The following SCML4 variants were observed in gnomAD, a reference collection of about 807,000 sequenced individuals.
The protein encoded by SCML4 is Scm polycomb group protein like 4.
In SCML4, 34 loss-of-function variants were observed where a neutral mutation model predicts 41.1. The observed-to-expected ratio is 0.83, with a 90% confidence interval of 0.63 to 1.10. SCML4 has a LOEUF of 1.10. Ranked by LOEUF, SCML4 falls within the 50% of genes least tolerant of loss-of-function variation. The pLI, the probability that SCML4 is intolerant of heterozygous loss-of-function variation, is 0.00. For missense variants in SCML4, 522 were observed against 534.1 expected (o/e 0.98, Z 0.22); for synonymous variants, 214 against 220.9 (o/e 0.97, Z 0.28).
At chr6:107,791,067 C>CT (rs1443953572) in intron 1 of SCML4, among the ~76,000 whole-genome samples, 1 of 95,004 alleles carries the variant, frequency 1.1e-5, no homozygotes, top group Non-Finnish European at 2.3e-5. Context: ...AAGACTCCGT[C>CT]TAAAAAAAAA....
At chr6:107,808,523 C>T (rs889210247) in intron 1 of SCML4, among the ~76,000 whole-genome samples, 7 of 152,114 alleles carry the variant, frequency 4.6e-5, no homozygotes, top group South Asian at 2.1e-4. Flanking sequence ...CCTCCCACCG[C>T]GGCCTCCCAG....
At chr6:107,790,939 G>A (rs564560579) in intron 1 of SCML4, among the ~76,000 whole-genome samples, 1 of 152,054 alleles carries the variant, frequency 6.6e-6, no homozygotes, top group African/African-American at 2.4e-5. Context: ...ACATGGTGGT[G>A]CATGCCTGTA....
chr6:107,790,987 T>C (rs1460734874), intron 1 of SCML4, among the ~76,000 whole-genome samples: 3 of 151,794 alleles, frequency 2.0e-5, no homozygotes, highest in African/African-American at 4.8e-5. Context: ...GGAGAATTGC[T>C]TGAACCCAGG....
intron 1 of SCML4, among the ~76,000 whole-genome samples, chr6:107,773,453 T>TGGCTGCCCATGCC: frequency 6.6e-6 from 1 of 151,868 alleles, no homozygotes; most frequent in South Asian, 2.1e-4. Context: ...TTAGCCAGGC[T>TGGCTGCCCATGCC]TGGCTGCCCA....
chr6:107,768,231 G>T (rs1164028630), intron 2 of SCML4, among the ~76,000 whole-genome samples: 1 of 152,156 alleles, frequency 6.6e-6, no homozygotes, highest in African/African-American at 2.4e-5. Flanking sequence ...TCCAGCCTAG[G>T]TGACAAGCAA....
chr6:107,763,456 G>A (rs1168170245), intron 2 of SCML4, among the ~76,000 whole-genome samples: 4 of 150,064 alleles, frequency 2.7e-5, no homozygotes, highest in South Asian at 2.1e-4. Flanking sequence ...GCACCATCCC[G>A]GCTCACTGCA....
chr6:107,826,444 C>T (rs147964122), upstream of SCML4, among the ~76,000 whole-genome samples: 2 of 152,184 alleles, frequency 1.3e-5, no homozygotes, highest in East Asian at 3.9e-4. Context: ...CTTAAAGCAC[C>T]TGGAATGGGC....
intron 5 of SCML4, among the ~76,000 whole-genome samples, chr6:107,724,739 A>C (rs1301316060): frequency 6.6e-6 from 1 of 152,224 alleles, no homozygotes; most frequent in Non-Finnish European, 1.5e-5. Context: ...CCCTGTCAGA[A>C]TCTTCACTGA....
intron 5 of SCML4, among the ~76,000 whole-genome samples, chr6:107,739,839 T>C (rs1211161535): frequency 6.6e-6 from 1 of 152,166 alleles, no homozygotes; most frequent in Non-Finnish European, 1.5e-5. Flanking sequence ...AATGGCGTCA[T>C]TGTAGGGCTC....
At chr6:107,834,937 GA>G in the SCML4 span, among the ~76,000 whole-genome samples, 97,398 of 142,986 alleles carry the variant, frequency 0.68, 33,053 homozygotes, top group South Asian at 0.82. Flanking sequence ...GACCCTGTCT[GA>G]AAAAAAAAAA....
At chr6:107,716,154 TTTTG>T (rs1774763876) in intron 6 of SCML4, among the ~76,000 whole-genome samples, 1 of 152,190 alleles carries the variant, frequency 6.6e-6, no homozygotes, top group African/African-American at 2.4e-5. Flanking sequence ...GTTGTGCAAA[TTTTG>T]TTTAAGCAAA....
chr6:107,824,513 T>C (rs1008064436), upstream of SCML4, among the ~76,000 whole-genome samples: 81 of 122,476 alleles, frequency 6.6e-4, no homozygotes, highest in Admixed American at 6.4e-3. Context: ...TGTGTGTGTG[T>C]GTGTTTTGTG....
intron 2 of SCML4, among the ~76,000 whole-genome samples, chr6:107,768,188 A>G (rs11964401): frequency 0.43 from 65,869 of 151,876 alleles, 16,432 homozygotes; most frequent in East Asian, 0.73. Context: ...TGGGAAGTCA[A>G]GGCTACAGTG....
chr6:107,771,905 G>A (rs894221131), intron 2 of SCML4, among the ~76,000 whole-genome samples: 4 of 152,172 alleles, frequency 2.6e-5, no homozygotes, highest in South Asian at 2.1e-4. Context: ...TGTGTTTAGC[G>A]ATGACCCTAA....
At chr6:107,799,763 A>AC (rs1782966547) in intron 1 of SCML4, among the ~76,000 whole-genome samples, 1 of 151,638 alleles carries the variant, frequency 6.6e-6, no homozygotes, top group Admixed American at 6.6e-5. Context: ...TCTGTTGCTA[A>AC]CCCCATCCAG....
At chr6:107,716,397 CTT>C in intron 6 of SCML4, among the ~76,000 whole-genome samples, 1 of 152,296 alleles carries the variant, frequency 6.6e-6, no homozygotes, top group African/African-American at 2.4e-5. Flanking sequence ...ACCTCTTTTT[CTT>C]TATCTTTAAA....
chr6:107,817,117 C>G (rs1278347726), intron 1 of SCML4, among the ~76,000 whole-genome samples: 2 of 151,592 alleles, frequency 1.3e-5, no homozygotes, highest in East Asian at 3.9e-4. Flanking sequence ...TTTTTTTCTT[C>G]AGGCATGGAA....
intron 1 of SCML4, among the ~76,000 whole-genome samples, chr6:107,780,947 T>A (rs1429652317): frequency 6.7e-6 from 1 of 148,926 alleles, no homozygotes; most frequent in South Asian, 2.2e-4. Context: ...ATAAATTGTT[T>A]GTGATAAGCA....
chr6:107,793,887 C>T (rs1316591799), intron 1 of SCML4, among the ~76,000 whole-genome samples: 1 of 152,046 alleles, frequency 6.6e-6, no homozygotes, highest in Non-Finnish European at 1.5e-5. Context: ...TTCAGTGAGC[C>T]AAGATCACAC....
Sources: gnomAD v4.1 joint callset for allele counts (sites outside exome capture counted in the v4.1 genomes callset) on GRCh38, gnomAD v4.1.1 for gene constraint, MANE v1.5 for transcripts, NCBI Gene and HGNC (gene_info 2026-07-23, HGNC 2026-07-21) for gene names.